SBF2: variants seen among roughly 807,000 people sequenced by gnomAD.
SBF2 encodes SET binding factor 2.
SBF2 carries 112 observed loss-of-function variants against 225.2 expected under a neutral mutation model. The ratio of observed to expected loss-of-function variants is 0.50; its 90% CI spans 0.43 to 0.58. The LOEUF (loss-of-function observed/expected upper bound fraction) is 0.58. SBF2 is among the 20% of genes least tolerant of loss of function. The pLI is 0.00. For missense variants in SBF2, 1,996 were observed against 2,206.2 expected, an observed-to-expected ratio of 0.90 and a Z score of 1.91; for synonymous variants, 763 against 773.3, an observed-to-expected ratio of 0.99 and a Z score of 0.22.
intron 2 of SBF2, among the ~76,000 whole-genome samples, chr11:10,169,184 G>A (rs923734149): frequency 6.6e-6 from 1 of 152,092 alleles, no homozygotes; most frequent in Non-Finnish European, 1.5e-5. Flanking sequence ...TTACAAAAAT[G>A]CAATTATACT....
At position 9,790,687 on chromosome 11, in the gene SBF2, T is replaced by C. The variant is rs566719484; in HGVS notation, c.4571-4A>G. On this transcript the variant is annotated splice_polypyrimidine_tract_variant and splice_region_variant and intron_variant, in intron 33 of 39. Coordinates refer to ENST00000256190, the MANE Select transcript of SBF2 (RefSeq NM_030962.4). Reference sequence around the variant, plus strand: ...CCTTTATCATCAAATAAAGTTCCTGTAGATTAAAAAAATCCAACAAAACAA... The same window carrying C: ...CCTTTATCATCAAATAAAGTTCCTGCAGATTAAAAAAATCCAACAAAACAA... The C allele has an allele frequency of 1.3e-6, 2 of 1,576,902 alleles. No individual in the cohort carries two copies. The highest frequency in any genetic ancestry group is 2.3e-5 in the South Asian group (2 of 88,368).
chr11:9,887,955 T>C (rs191394291), intron 17 of SBF2, among the ~76,000 whole-genome samples: 178 of 152,326 alleles, frequency 1.2e-3, no homozygotes, highest in Admixed American at 2.2e-3. Context: ...CAATTAAAAG[T>C]GATGACTTAG....
At chr11:10,130,659 G>A (rs1953998530) in intron 2 of SBF2, among the ~76,000 whole-genome samples, 2 of 152,070 alleles carry the variant, frequency 1.3e-5, no homozygotes, top group Admixed American at 1.3e-4. Context: ...ACTATAAAGA[G>A]CTTCCTCATG....
intron 2 of SBF2, among the ~76,000 whole-genome samples, chr11:10,174,537 G>A (rs1956367933): frequency 6.6e-6 from 1 of 152,160 alleles, no homozygotes; most frequent in Non-Finnish European, 1.5e-5. Context: ...ACGTCTGACT[G>A]GTGTACCTGA....
chr11:9,911,776 C>T (rs2134188831), intron 16 of SBF2, among the ~76,000 whole-genome samples: 1 of 152,264 alleles, frequency 6.6e-6, no homozygotes, highest in African/African-American at 2.4e-5. Flanking sequence ...TTTACCATTT[C>T]TATGTGTAGA....
intron 1 of SBF2, among the ~76,000 whole-genome samples, chr11:10,237,197 A>C (rs1959106475): frequency 6.6e-6 from 1 of 152,172 alleles, no homozygotes; most frequent in African/African-American, 2.4e-5. Context: ...AAACACAAAA[A>C]TTAGCTGGGT....
chr11:10,125,858 A>G (rs2135073029), intron 2 of SBF2, among the ~76,000 whole-genome samples: 1 of 152,328 alleles, frequency 6.6e-6, no homozygotes, highest in South Asian at 2.1e-4. Context: ...AATTTTAAAA[A>G]GTATGAGTCA....
intron 19 of SBF2, 96 bp downstream of exon 19, chr11:9,856,362 C>T: frequency 1.4e-6 from 2 of 1,463,118 alleles, no homozygotes; most frequent in Non-Finnish European, 1.9e-6. Context: ...GAAATATGTA[C>T]AGCAGTATTT....
At chr11:9,930,684 T>A (rs1034980560) in intron 16 of SBF2, among the ~76,000 whole-genome samples, 5 of 152,238 alleles carry the variant, frequency 3.3e-5, no homozygotes, top group Non-Finnish European at 7.3e-5. Flanking sequence ...GCGTGATCGA[T>A]GCAGAAGACG....
At chr11:10,272,646 C>T (rs994427923) in intron 1 of SBF2, among the ~76,000 whole-genome samples, 2 of 152,056 alleles carry the variant, frequency 1.3e-5, no homozygotes, top group Non-Finnish European at 2.9e-5. Flanking sequence ...GTGGCATGTG[C>T]CTGTAGTCCC....
intron 1 of SBF2, among the ~76,000 whole-genome samples, chr11:10,271,049 G>A (rs545650358): frequency 3.9e-4 from 57 of 147,132 alleles, no homozygotes; most frequent in African/African-American, 1.1e-3. Flanking sequence ...ACATATATAC[G>A]TATATGGATG....
At chr11:10,106,004 T>C (rs1952531481) in intron 2 of SBF2, among the ~76,000 whole-genome samples, 1 of 152,200 alleles carries the variant, frequency 6.6e-6, no homozygotes, top group African/African-American at 2.4e-5. Context: ...ATGTCAAAGC[T>C]TTTCAAATGT....
At chr11:10,113,372 C>A (rs995365251) in intron 2 of SBF2, among the ~76,000 whole-genome samples, 6 of 152,124 alleles carry the variant, frequency 3.9e-5, no homozygotes, top group African/African-American at 1.4e-4. Context: ...CCTGAAATAT[C>A]TGCAGAGAAT....
intron 15 of SBF2, 72 bp downstream of exon 15, chr11:9,963,701 C>T: frequency 2.7e-6 from 2 of 748,116 alleles, no homozygotes; most frequent in South Asian, 3.0e-5. Flanking sequence ...AAGAGAGAAG[C>T]TGGTAACCTC....
At chr11:10,242,234 AG>A (rs1959281252) in intron 1 of SBF2, among the ~76,000 whole-genome samples, 1 of 152,060 alleles carries the variant, frequency 6.6e-6, no homozygotes, top group South Asian at 2.1e-4. Flanking sequence ...TGTGTGGCAA[AG>A]GCATTATAAG....
At chr11:10,137,520 T>C (rs958327175) in intron 2 of SBF2, among the ~76,000 whole-genome samples, 7 of 152,230 alleles carry the variant, frequency 4.6e-5, no homozygotes, top group Admixed American at 6.5e-5. Flanking sequence ...AGTATAATGT[T>C]ACCTTCGGCT....
chr11:10,001,961 T>C (rs1947981014), intron 7 of SBF2, among the ~76,000 whole-genome samples: 1 of 152,180 alleles, frequency 6.6e-6, no homozygotes, highest in South Asian at 2.1e-4. Flanking sequence ...GCACTATTAG[T>C]CATCACTGTT....
intron 1 of SBF2, among the ~76,000 whole-genome samples, chr11:10,197,191 A>C (rs1209346452): frequency 4.6e-5 from 7 of 152,146 alleles, no homozygotes; most frequent in Admixed American, 4.6e-4. Flanking sequence ...ATAAGAAAAG[A>C]ACCTAAATGG....
At chr11:10,269,792 C>A (rs1352475729) in intron 1 of SBF2, among the ~76,000 whole-genome samples, 1 of 152,122 alleles carries the variant, frequency 6.6e-6, no homozygotes, top group Non-Finnish European at 1.5e-5. Context: ...AATGGGGTCC[C>A]ACTCTGTCAC....
Sources: allele counts gnomAD v4.1 joint callset (sites outside exome capture counted in the v4.1 genomes callset), GRCh38; gene constraint gnomAD v4.1.1; transcripts MANE v1.5; gene names NCBI Gene and HGNC (gene_info 2026-07-23, HGNC 2026-07-21).